Variants in CACNA1B observed in about 807,000 individuals in gnomAD.
CACNA1B encodes the protein calcium voltage-gated channel subunit alpha1 B.
A neutral mutation model predicts 247.2 loss-of-function variants in CACNA1B; 70 were observed. The observed-to-expected ratio is 0.28, with a 90% CI of 0.23 to 0.35. The LOEUF is 0.35. Ranked by LOEUF, CACNA1B falls within the 10% of genes least tolerant of loss-of-function variation. The pLI is 1.00. For synonymous variants in CACNA1B, 1,231 were observed against 1,294.4 expected (o/e 0.95, Z 1.05); for missense variants, 2,367 against 3,197.4 (o/e 0.74, Z 6.26).
chr9:138,120,544 C>T (rs1431794610), intron 45 of CACNA1B, 87 bp from the exon 46 acceptor site: 6 of 1,425,378 alleles, frequency 4.2e-6, no homozygotes, highest in Non-Finnish European at 5.6e-6. Flanking sequence ...TCCCCTGGCA[C>T]CACCTGAATT....
chr9:138,105,761 G>A lies in CACNA1B; in HGVS notation c.5382G>A (p.Thr1794=), dbSNP rs753705380. 4 of 1,567,520 alleles carry A rather than the reference G, an allele frequency of 2.6e-6. No individual in the cohort carries two copies. Among genetic ancestry groups the A allele is most frequent in the South Asian group, 2.4e-5 (2 of 84,930 alleles). Residue 1794 remains threonine (T), a synonymous_variant, in exon 39 of 47, where the codon ACG becomes ACA. Coordinates refer to ENST00000371372, the MANE Select transcript of CACNA1B (RefSeq NM_000718.4). ...ACATGACTGTTCACTTCACGTCCAC[G>A]CTGATGGCCCTCATCCGGACGGCAC... The part of the protein sequence containing the change: ...NEDMTVHFTS[T]LMALIRTALE...
At chr9:137,981,990 G>A (rs1013391732) in intron 12 of CACNA1B, among the ~76,000 whole-genome samples, 6 of 152,110 alleles carry the variant, frequency 3.9e-5, no homozygotes, top group African/African-American at 7.2e-5. Context: ...CCATCCTCTG[G>A]TTCCAAAACC....
intron 36 of CACNA1B, among the ~76,000 whole-genome samples, chr9:138,090,117 T>C (rs1960827903): frequency 6.6e-6 from 1 of 152,192 alleles, no homozygotes; most frequent in Non-Finnish European, 1.5e-5. Flanking sequence ...AGACCCTGGA[T>C]AGCTTAAATA....
chr9:138,027,753 G>T (rs1408738110), intron 20 of CACNA1B, among the ~76,000 whole-genome samples: 2 of 152,034 alleles, frequency 1.3e-5, no homozygotes, highest in Non-Finnish European at 1.5e-5. Flanking sequence ...TGAATTTTTT[G>T]ATATGAAATA....
At chr9:137,977,944 C>A (rs895743607) in intron 12 of CACNA1B, among the ~76,000 whole-genome samples, 2 of 149,478 alleles carry the variant, frequency 1.3e-5, no homozygotes, top group African/African-American at 4.9e-5. Context: ...AGCACTACCC[C>A]CCCCAGGAAG....
intron 36 of CACNA1B, among the ~76,000 whole-genome samples, chr9:138,080,384 G>T (rs1408478157): frequency 6.6e-6 from 1 of 152,200 alleles, no homozygotes; most frequent in Non-Finnish European, 1.5e-5. Flanking sequence ...GGATGTGTGA[G>T]GTGGAGACTC....
rs372939958 is a variant in CACNA1B at position 137,914,641 on chromosome 9, G to T, written c.623-13G>T. Reference sequence around the variant, plus strand: ...CCCACGTTGCTTCCTGACCTGCCCTGTTCTGGCCCCAGGTTTGCAGGTGGT... The same window carrying T: ...CCCACGTTGCTTCCTGACCTGCCCTTTTCTGGCCCCAGGTTTGCAGGTGGT... On this transcript the variant is annotated splice_polypyrimidine_tract_variant and intron_variant, in intron 4 of 46. Coordinates refer to ENST00000371372, the MANE Select transcript of CACNA1B (RefSeq NM_000718.4). The surrounding 1 kb of genome is among the most constrained non-coding windows in gnomAD (Gnocchi z 4.3). 9 of 1,612,998 alleles carry T rather than the reference G, an allele frequency of 5.6e-6. No homozygotes were observed. In the African/African-American group the frequency reaches 8.0e-5, roughly 14 times the overall value.
chr9:138,073,953 C>T lies in CACNA1B; in HGVS notation c.4792-48C>T, dbSNP rs778149183. On this transcript the variant is annotated intron_variant, in intron 33 of 46. Coordinates refer to ENST00000371372, the MANE Select transcript of CACNA1B (RefSeq NM_000718.4). This position sits in a 1 kb window ranked among gnomAD's most constrained non-coding sequence, Gnocchi z 6.4. The stretch of plus-strand genomic sequence containing the variant: ...CAGCCACCGTAGCAGGAGGCCTGGG[C>T]GTGGTGGCTGGGAGGTGCCTGTAGC... The T allele has an allele frequency of 3.0e-5, 45 of 1,485,746 alleles. No homozygotes were observed. The highest frequency in any genetic ancestry group is 2.3e-4 in the East Asian group (10 of 44,350). 92.0% of individuals were successfully genotyped at this position (1,485,746 alleles called of 1,614,324 possible).
intron 10 of CACNA1B, among the ~76,000 whole-genome samples, chr9:137,967,941 G>A (rs560867145): frequency 3.9e-5 from 6 of 152,316 alleles, no homozygotes; most frequent in Middle Eastern, 3.4e-3. Flanking sequence ...CCTTGAGCTC[G>A]CGTTCACCTC....
chr9:137,960,236 GA>G (rs1957999149), intron 10 of CACNA1B, among the ~76,000 whole-genome samples: 4 of 149,896 alleles, frequency 2.7e-5, no homozygotes, highest in Admixed American at 6.6e-5. Context: ...GGGAAGCCGG[GA>G]GAGGGGAGTT....
chr9:137,988,474 G>A (rs554784615), intron 15 of CACNA1B, among the ~76,000 whole-genome samples: 1 of 152,108 alleles, frequency 6.6e-6, no homozygotes. Context: ...GTGTGATGAG[G>A]GAGAGAAGTT....
At chr9:137,885,314 C>A (rs1956995112) in intron 3 of CACNA1B, among the ~76,000 whole-genome samples, 1 of 152,092 alleles carries the variant, frequency 6.6e-6, no homozygotes, top group East Asian at 1.9e-4. Context: ...CACGTGAACC[C>A]CTGTGTGCGT....
intron 6 of CACNA1B, among the ~76,000 whole-genome samples, chr9:137,948,989 G>T (rs1034154229): frequency 1.2e-4 from 17 of 145,040 alleles, no homozygotes; most frequent in Admixed American, 2.8e-4. Context: ...TTGTGTGTCT[G>T]GTGTTTGGTG....
At position 137,921,938 on chromosome 9, in the gene CACNA1B, GACC is replaced by G. The variant is rs1169862179; in HGVS notation, c.966+4508_966+4510del. 1.8e-3 allele frequency among the ~76,000 whole-genome samples: 253 copies of G among 142,144 alleles called. 2 individuals carry two copies. The highest frequency in any genetic ancestry group is 2.4e-3 in the East Asian group (11 of 4,546). The allele number at this position is 142,144 out of a possible 152,430, so 93.3% of individuals were successfully genotyped here. On this transcript the variant is annotated intron_variant, in intron 6 of 46. Coordinates refer to ENST00000371372, the MANE Select transcript of CACNA1B (RefSeq NM_000718.4). Reference sequence around the variant, plus strand: ...GTTCGGAGAACATGGTCAGCACCACGACCGCACAGCATCCTGGGAGCAGAGTAA... The same window carrying G: ...GTTCGGAGAACATGGTCAGCACCACGGCACAGCATCCTGGGAGCAGAGTAA...
rs1280728855 is a variant in CACNA1B, at chr9:138,051,406, C to T, written c.3711-686C>T. Among the ~76,000 whole-genome samples the T allele has an allele frequency of 6.6e-6, 1 of 151,836 alleles. No individual in the cohort carries two copies. The highest frequency in any genetic ancestry group is 1.5e-5 in the Non-Finnish European group (1 of 67,982). ...CCGTCCCTGCTCTGCATGAGTTTTC[C>T]TGTCTGCTGCTTTCTGGGTAGCATT... On this transcript the variant is annotated intron_variant, in intron 24 of 46. Coordinates refer to ENST00000371372, the MANE Select transcript of CACNA1B (RefSeq NM_000718.4). This position sits in a 1 kb window ranked among gnomAD's most constrained non-coding sequence, Gnocchi z 4.3.
Position 137,899,966 on chromosome 9 carries a change from G to A in CACNA1B, c.531-13214G>A, listed in dbSNP as rs1214972284. Among the ~76,000 whole-genome samples the A allele has an allele frequency of 1.3e-5, 2 of 152,168 alleles. No homozygotes were observed. Among genetic ancestry groups the A allele is most frequent in the African/African-American group, 2.4e-5 (1 of 41,440 alleles). ...GGACGGGGTACAGGGGCTGGCCAGCGTGGGCCAGATGCATGGGGACAAGGG... is the reference window on the plus strand; with the variant it reads ...GGACGGGGTACAGGGGCTGGCCAGCATGGGCCAGATGCATGGGGACAAGGG... On this transcript the variant is annotated intron_variant, in intron 3 of 46. Transcript: ENST00000371372. This position sits in a 1 kb window ranked among gnomAD's most constrained non-coding sequence, Gnocchi z 5.0.
chr9:138,017,376 C>CA (rs1958806498), intron 18 of CACNA1B, among the ~76,000 whole-genome samples: 1 of 152,252 alleles, frequency 6.6e-6, no homozygotes, highest in Admixed American at 6.5e-5. Flanking sequence ...CTGATGTCCC[C>CA]AAGTCCTGCC....
chr9:137,956,050 TA>T (rs1420360331), intron 8 of CACNA1B, among the ~76,000 whole-genome samples: 2 of 152,206 alleles, frequency 1.3e-5, no homozygotes, highest in Non-Finnish European at 2.9e-5. Context: ...TGGCCCAGCC[TA>T]AAGCTGGTCT....
chr9:138,102,802 T>C lies in CACNA1B; in HGVS notation c.5314T>C (p.Tyr1772His). The C allele has an allele frequency of 6.2e-7, 1 of 1,607,284 alleles. No individual in the cohort carries two copies. Among genetic ancestry groups the C allele is most frequent in the Non-Finnish European group, 8.5e-7 (1 of 1,174,360 alleles). Residue 1772 changes from tyrosine (Y) to histidine (H), a missense_variant, in exon 38 of 47, where the codon TAC (tyrosine) becomes CAC (histidine). Tyr to His is a moderately conservative substitution (Grantham distance 83, BLOSUM62 2). Around this residue, in one of 12 missense-constraint regions of CACNA1B, gnomAD observed 55 missense variants for 107.8 expected, o/e 0.51. Coordinates refer to ENST00000371372, the MANE Select transcript of CACNA1B (RefSeq NM_000718.4). The surrounding 1 kb of genome is among the most constrained non-coding windows in gnomAD (Gnocchi z 5.4). Reference protein sequence around the residue: ...LGKKCPARVAYKRLVRMNMPI... With the variant: ...LGKKCPARVAHKRLVRMNMPI... ...GAAGAAATGCCCTGCTCGAGTTGCT[T>C]ACAAGGTAGACCCTGACCCTGCAAC...
Sources: allele counts gnomAD v4.1 joint callset (sites outside exome capture counted in the v4.1 genomes callset), GRCh38; gene constraint gnomAD v4.1.1; regional missense constraint gnomAD v4.1.1; non-coding constraint Gnocchi (gnomAD v3.1); transcripts MANE v1.5; gene names NCBI Gene and HGNC (gene_info 2026-07-23, HGNC 2026-07-21).